The following TBL1XR1 variants were observed in gnomAD, a reference collection of about 807,000 sequenced individuals.
TBL1XR1 encodes the protein F-box-like/WD repeat-containing protein TBL1XR1.
TBL1XR1 carries 5 observed loss-of-function variants against 66.9 expected under a neutral mutation model. The ratio of observed to expected loss-of-function variants is 0.07; its 90% CI spans 0.04 to 0.16. The LOEUF (loss-of-function observed/expected upper bound fraction) is 0.16, where lower values mean the gene tolerates loss of function less well. TBL1XR1 is among the 10% of genes least tolerant of loss of function. The pLI, the probability that TBL1XR1 is intolerant of heterozygous loss-of-function variation, is 1.00. For missense variants in TBL1XR1, 238 were observed against 623.2 expected (o/e 0.38, Z 6.58); for synonymous variants, 210 against 206.0 (o/e 1.02, Z -0.17).
intron 1 of TBL1XR1, among the ~76,000 whole-genome samples, chr3:177,171,862 A>T (rs1733558288): frequency 6.6e-6 from 1 of 152,180 alleles, no homozygotes; most frequent in Non-Finnish European, 1.5e-5. Flanking sequence ...TTAAAAAATC[A>T]AAGGACAGAG....
chr3:177,083,623 GA>G lies in TBL1XR1; in HGVS notation c.-46+14842del, dbSNP rs369753550. ...TACTATGAAAATTTTCAAACATATA[GA>G]AAAAAAATGAATATCCACATAGCTA... is the stretch of plus-strand genomic sequence containing the variant. On this transcript the variant is annotated intron_variant, in intron 2 of 15. Transcript: ENST00000457928. Among the ~76,000 whole-genome samples the G allele has an allele frequency of 3.2e-4, 49 of 151,524 alleles. 2 individuals carry two copies. Among genetic ancestry groups the G allele is most frequent in the East Asian group, 9.6e-4 (5 of 5,182 alleles).
At chr3:177,197,526 A>AT (rs1737026971), upstream of TBL1XR1, 1 of 151,960 alleles carries the variant, frequency 6.6e-6, no homozygotes, top group Non-Finnish European at 1.4e-5. Context: ...GGAGAGAGGA[A>AT]TGGGGACCAG....
chr3:177,135,359 A>G (rs1258809452), intron 1 of TBL1XR1, among the ~76,000 whole-genome samples: 8 of 36,388 alleles, frequency 2.2e-4, no homozygotes, highest in East Asian at 1.1e-3. Context: ...ATATATATAT[A>G]TATATATATA....
chr3:177,183,901 G>A (rs886153152), intron 1 of TBL1XR1, among the ~76,000 whole-genome samples: 1 of 151,930 alleles, frequency 6.6e-6, no homozygotes, highest in African/African-American at 2.4e-5. Context: ...TCAGGAGCTC[G>A]AGACCAGCTC....
chr3:177,060,374 A>C (rs1718361354), intron 3 of TBL1XR1, among the ~76,000 whole-genome samples: 1 of 152,210 alleles, frequency 6.6e-6, no homozygotes, highest in African/African-American at 2.4e-5. Context: ...AAAGTTACTC[A>C]TTTTAGTAAC....
upstream of TBL1XR1, among the ~76,000 whole-genome samples, chr3:177,198,831 AT>A (rs1481961423): frequency 2.0e-5 from 3 of 151,764 alleles, no homozygotes; most frequent in Non-Finnish European, 4.4e-5. Flanking sequence ...AGCAACCATC[AT>A]TTCCTCTCAA....
Position 177,022,834 on chromosome 3 carries a change from A to T in TBL1XR1, c.*2664T>A, listed in dbSNP as rs1712559071. The T allele has an allele frequency of 6.6e-6, 1 of 152,502 alleles. No homozygotes were observed. 9.4% of individuals were successfully genotyped at this position (152,502 alleles called of 1,614,324 possible). ...CGTGGCACATCAGCAGGCAATGATG[A>T]TGTTGAGAACAGCAGCAAAAATAAA... On this transcript the variant is annotated 3_prime_UTR_variant, in exon 16 of 16. Transcript: ENST00000457928.
chr3:177,070,747 G>A (rs976578509), intron 2 of TBL1XR1, among the ~76,000 whole-genome samples: 2 of 152,028 alleles, frequency 1.3e-5, no homozygotes, highest in African/African-American at 4.8e-5. Flanking sequence ...TCAGGACGCT[G>A]AGATGGGAGA....
intron 1 of TBL1XR1, among the ~76,000 whole-genome samples, chr3:177,145,380 CT>C (rs1730127580): frequency 6.6e-6 from 1 of 152,040 alleles, no homozygotes; most frequent in Non-Finnish European, 1.5e-5. Flanking sequence ...TAGAAAAAGT[CT>C]GCTAACTCCT....
chr3:177,050,364 A>G (rs1389189455), intron 6 of TBL1XR1, 114 bp downstream of exon 6: 2 of 1,373,426 alleles, frequency 1.5e-6, no homozygotes, highest in East Asian at 5.0e-5. Context: ...AAAAATTTAC[A>G]GAGACAAAAT....
chr3:177,047,421 A>C (rs1403039880), intron 8 of TBL1XR1, 24 bp from the exon 9 acceptor site: 1 of 1,600,052 alleles, frequency 6.2e-7, no homozygotes. Flanking sequence ...GAAAAACATT[A>C]ACATTATTTT....
At chr3:177,193,373 C>T (rs748285232) in intron 1 of TBL1XR1, among the ~76,000 whole-genome samples, 29 of 151,842 alleles carry the variant, frequency 1.9e-4, no homozygotes, top group Non-Finnish European at 3.7e-4. Context: ...TGCAATGGCG[C>T]GATCTTGGCT....
Position 177,159,016 on chromosome 3 carries a change from C to T in TBL1XR1, c.-122+38105G>A, listed in dbSNP as rs145767063. Among the ~76,000 whole-genome samples the T allele has an allele frequency of 7.2e-5, 11 of 152,110 alleles. No homozygotes were observed. The East Asian group carries it at 2.1e-3, about 29-fold the overall frequency. ...CTAAAATTATTAGCATTCAAAGAGCCTCAATGTAGAGATACCCTATTAAAA... is the reference window on the plus strand; with the variant it reads ...CTAAAATTATTAGCATTCAAAGAGCTTCAATGTAGAGATACCCTATTAAAA... On this transcript the variant is annotated intron_variant, in intron 1 of 15. Coordinates refer to ENST00000457928, the MANE Select transcript of TBL1XR1 (RefSeq NM_024665.7).
chr3:177,150,930 T>C (rs1268200264), intron 1 of TBL1XR1, among the ~76,000 whole-genome samples: 1 of 152,192 alleles, frequency 6.6e-6, no homozygotes, highest in Non-Finnish European at 1.5e-5. Flanking sequence ...CCTCACTGTA[T>C]TGGAAGGTGA....
chr3:177,022,570 G>A lies in TBL1XR1; in HGVS notation c.*2928C>T, dbSNP rs1468283901. The A allele has an allele frequency of 6.6e-6, 1 of 152,442 alleles. No homozygotes were observed. Among genetic ancestry groups the A allele is most frequent in the Non-Finnish European group, 1.5e-5 (1 of 67,946 alleles). The allele number at this position is 152,442 out of a possible 1,614,324, so 9.4% of individuals were successfully genotyped here. A position where few individuals can be genotyped will look rare whatever the true frequency, so the allele number is the denominator to read the frequency against. ...TTTTAATCAATGAGTATTGATTCAA[G>A]TTTTCCTTTCTATTTTTCCTTATGA... On this transcript the variant is annotated 3_prime_UTR_variant, in exon 16 of 16. Coordinates refer to ENST00000457928, the MANE Select transcript of TBL1XR1 (RefSeq NM_024665.7).
intron 2 of TBL1XR1, chr3:177,091,050 G>A (rs1179495609): frequency 1.3e-5 from 2 of 150,674 alleles, no homozygotes; most frequent in African/African-American, 5.0e-5. Flanking sequence ...AAGGGAAATG[G>A]GAGCAGGAAT....
At chr3:177,097,005 T>C (rs937229924) in intron 2 of TBL1XR1, among the ~76,000 whole-genome samples, 3 of 152,098 alleles carry the variant, frequency 2.0e-5, no homozygotes, top group Non-Finnish European at 2.9e-5. Context: ...GAGGTCAACC[T>C]TTTTTCCCCA....
At chr3:177,135,838 T>C (rs1184054290) in intron 1 of TBL1XR1, among the ~76,000 whole-genome samples, 1 of 142,118 alleles carries the variant, frequency 7.0e-6, no homozygotes, top group African/African-American at 2.9e-5. Context: ...TGGAAGGCTG[T>C]TTTTTTTTTA....
At chr3:177,036,982 C>A (rs1714882115) in intron 12 of TBL1XR1, among the ~76,000 whole-genome samples, 1 of 152,014 alleles carries the variant, frequency 6.6e-6, no homozygotes, top group South Asian at 2.1e-4. Flanking sequence ...ATGCTTTTTT[C>A]CCCAAATGAG....
Sources: allele counts gnomAD v4.1 joint callset (sites outside exome capture counted in the v4.1 genomes callset), GRCh38; gene constraint gnomAD v4.1.1; transcripts MANE v1.5; gene names NCBI Gene and HGNC (gene_info 2026-07-23, HGNC 2026-07-21).